KAT7: variants seen among roughly 807,000 people sequenced by gnomAD.
The protein encoded by KAT7 is lysine acetyltransferase 7, also known as histone acetyltransferase KAT7.
Under a neutral mutation model 82.1 loss-of-function variants are expected in KAT7, and 10 were observed. That is an observed-to-expected ratio of 0.12 (90% CI 0.08 to 0.21). The LOEUF (loss-of-function observed/expected upper bound fraction) is 0.21, where lower values mean the gene tolerates loss of function less well. KAT7 is among the 10% of genes least tolerant of loss of function. The pLI is 1.00. For synonymous variants in KAT7, 250 were observed against 262.5 expected, an observed-to-expected ratio of 0.95 and a Z score of 0.46; for missense variants, 378 against 760.9, an observed-to-expected ratio of 0.50 and a Z score of 5.92.
At chr17:49,813,346 G>C (rs2074193523) in intron 7 of KAT7, among the ~76,000 whole-genome samples, 1 of 152,148 alleles carries the variant, frequency 6.6e-6, no homozygotes, top group South Asian at 2.1e-4. Flanking sequence ...CGCTGCAAAG[G>C]ACATGATTTC....
chr17:49,815,932 A>C lies in KAT7; in HGVS notation c.963+19A>C, dbSNP rs755206820. The C allele has an allele frequency of 6.9e-7, 1 of 1,459,702 alleles. No homozygotes were observed. The highest frequency in any genetic ancestry group is 1.1e-5 in the South Asian group (1 of 87,722). 90.4% of individuals were successfully genotyped at this position (1,459,702 alleles called of 1,614,324 possible). On this transcript the variant is annotated intron_variant, in intron 8 of 14. Coordinates refer to ENST00000259021, the MANE Select transcript of KAT7 (RefSeq NM_007067.5). ...GGATTTGGTGAGTATTAAAACCTCC[A>C]AACTGAAGGCCGCTTGTGAAAGGTG...
intron 12 of KAT7, among the ~76,000 whole-genome samples, chr17:49,824,989 CTT>C (rs1290033030): frequency 4.0e-5 from 6 of 150,948 alleles, no homozygotes; most frequent in Non-Finnish European, 7.4e-5. Flanking sequence ...TGATTTTGTT[CTT>C]TTTTTTATTT....
chr17:49,811,118 T>G (rs964225735), intron 6 of KAT7, among the ~76,000 whole-genome samples: 4 of 151,930 alleles, frequency 2.6e-5, no homozygotes, highest in African/African-American at 7.3e-5. Context: ...CTTTTTTTTT[T>G]TTGTTTTTGT....
At chr17:49,823,350 G>A in intron 12 of KAT7, 55 bp downstream of exon 12, 1 of 982,772 alleles carries the variant, frequency 1.0e-6, no homozygotes, top group Admixed American at 1.7e-5. Flanking sequence ...TGTGAATATT[G>A]TTTGTCTTTT....
chr17:49,826,646 T>A (rs180778119), intron 13 of KAT7, 47 bp from the exon 14 acceptor site: 1 of 1,312,070 alleles, frequency 7.6e-7, no homozygotes, highest in East Asian at 2.3e-5. Context: ...GGCAAAGGGG[T>A]GGGAACCTGC....
chr17:49,798,934 G>T (rs778158587), intron 4 of KAT7, among the ~76,000 whole-genome samples: 1 of 152,168 alleles, frequency 6.6e-6, no homozygotes, highest in Non-Finnish European at 1.5e-5. Context: ...GTGGTTGCAC[G>T]GCCATAGCTG....
intron 4 of KAT7, among the ~76,000 whole-genome samples, chr17:49,802,508 A>G (rs556412515): frequency 4.7e-4 from 71 of 152,204 alleles, no homozygotes; most frequent in Admixed American, 3.3e-4. Context: ...TCTCTATTAA[A>G]AATACAAAAT....
chr17:49,799,663 T>C (rs926783058), intron 4 of KAT7, among the ~76,000 whole-genome samples: 6 of 151,400 alleles, frequency 4.0e-5, no homozygotes, highest in African/African-American at 1.5e-4. Flanking sequence ...GCATGAGCCT[T>C]TTGTTTGTTT....
intron 10 of KAT7, 35 bp from the exon 11 acceptor site, chr17:49,821,615 T>G: frequency 6.2e-7 from 1 of 1,611,416 alleles, no homozygotes; most frequent in Non-Finnish European, 8.5e-7. Flanking sequence ...TAGGAATCAG[T>G]GGCCCACACA....
chr17:49,794,952 C>T lies in KAT7; in HGVS notation c.164-1798C>T, dbSNP rs139170361. 1.6e-3 allele frequency among the ~76,000 whole-genome samples: 250 copies of T among 151,818 alleles called. 1 individual carries two copies. Among genetic ancestry groups the T allele is most frequent in the Non-Finnish European group, 2.5e-3 (172 of 67,962 alleles). ...TTGCTCTGTGCTAACTTTTCTCACC[C>T]GAAAGTTTGGAAATTTTCAGTTTTC... is the stretch of plus-strand genomic sequence containing the variant. On this transcript the variant is annotated intron_variant, in intron 2 of 14. Coordinates refer to ENST00000259021, the MANE Select transcript of KAT7 (RefSeq NM_007067.5).
At chr17:49,826,647 G>A (rs747572982) in intron 13 of KAT7, 46 bp from the exon 14 acceptor site, 1 of 1,325,450 alleles carries the variant, frequency 7.5e-7, no homozygotes, top group Non-Finnish European at 1.1e-6. Context: ...GCAAAGGGGT[G>A]GGAACCTGCA....
rs573335599 is a variant in KAT7, at chr17:49,807,259, A to G, written c.663+1814A>G. On this transcript the variant is annotated intron_variant, in intron 5 of 14. Transcript: ENST00000259021. ...GGAAAAAAAGACGAATGATATAGAGAGAGTCTGTTTCGGGGGTGAGGGTAG... is the reference window on the plus strand; with the variant it reads ...GGAAAAAAAGACGAATGATATAGAGGGAGTCTGTTTCGGGGGTGAGGGTAG... 2.0e-4 allele frequency among the ~76,000 whole-genome samples: 31 copies of G among 152,336 alleles called. No homozygotes were observed. In the East Asian group the frequency reaches 5.6e-3, roughly 27 times the overall value.
chr17:49,819,852 G>A (rs1224273475), intron 9 of KAT7, among the ~76,000 whole-genome samples: 4 of 152,182 alleles, frequency 2.6e-5, no homozygotes, highest in African/African-American at 9.6e-5. Context: ...ACTACAGATG[G>A]AATTTTCTTG....
At chr17:49,791,609 G>A (rs1038071178) in intron 1 of KAT7, among the ~76,000 whole-genome samples, 8 of 152,340 alleles carry the variant, frequency 5.3e-5, no homozygotes, top group East Asian at 1.9e-4. Flanking sequence ...AGTGAGCCAC[G>A]ATTGCGCCCT....
At chr17:49,801,297 C>T (rs775723330) in intron 4 of KAT7, among the ~76,000 whole-genome samples, 23 of 152,124 alleles carry the variant, frequency 1.5e-4, no homozygotes, top group Non-Finnish European at 2.4e-4. Flanking sequence ...GATTCTCATG[C>T]GTCAGCTGCC....
intron 8 of KAT7, among the ~76,000 whole-genome samples, chr17:49,816,827 T>C (rs79421021): frequency 8.5e-5 from 13 of 152,084 alleles, no homozygotes; most frequent in Admixed American, 3.3e-4. Flanking sequence ...TTTTTTTTTT[T>C]CTGAGACAGG....
intron 2 of KAT7, chr17:49,795,410 C>A: frequency 4.0e-6 from 1 of 248,588 alleles, no homozygotes; most frequent in Admixed American, 4.3e-5. Context: ...TGCTGGACAT[C>A]GGGCAGCATC....
rs140492294 is a variant in KAT7, at chr17:49,812,739, A to G, written c.852+1165A>G. Among the ~76,000 whole-genome samples, 159 of 151,676 alleles carry G rather than the reference A, an allele frequency of 1.0e-3. 1 individual carries two copies. The highest frequency in any genetic ancestry group is 3.7e-3 in the African/African-American group (155 of 41,360). On this transcript the variant is annotated intron_variant, in intron 7 of 14. Coordinates refer to ENST00000259021, the MANE Select transcript of KAT7 (RefSeq NM_007067.5). Reference sequence around the variant, plus strand: ...GAGTCTTGCTCTGTCACCAAGGCTGAAGGCTGGAGGCTGGAGTGCAGTGGT... The same window carrying G: ...GAGTCTTGCTCTGTCACCAAGGCTGGAGGCTGGAGGCTGGAGTGCAGTGGT...
chr17:49,812,181 A>G (rs1178035656), intron 7 of KAT7, among the ~76,000 whole-genome samples: 14 of 150,646 alleles, frequency 9.3e-5, no homozygotes, highest in Non-Finnish European at 1.8e-4. Context: ...TATTTACATA[A>G]TTACCTTCTT....
Sources: gnomAD v4.1 joint callset for allele counts (sites outside exome capture counted in the v4.1 genomes callset) on GRCh38, gnomAD v4.1.1 for gene constraint, MANE v1.5 for transcripts, NCBI Gene and HGNC (gene_info 2026-07-23, HGNC 2026-07-21) for gene names.